Variants in RAD17 observed in about 807,000 individuals in gnomAD.
RAD17 encodes RAD17 checkpoint clamp loader component, also known as cell cycle checkpoint protein RAD17.
In RAD17, 31 loss-of-function variants were observed where a neutral mutation model predicts 81.5. That is an observed-to-expected ratio of 0.38 (90% CI 0.29 to 0.51). The LOEUF is 0.51. Among genes scored for constraint, RAD17 ranks in the 20% least tolerant of loss-of-function variants. RAD17 has a pLI of 0.88. For synonymous variants in RAD17, 261 were observed against 266.2 expected (o/e 0.98, Z 0.19); for missense variants, 681 against 781.2 (o/e 0.87, Z 1.53).
At chr5:69,389,927 C>T (rs559089331) in intron 12 of RAD17, among the ~76,000 whole-genome samples, 18 of 152,302 alleles carry the variant, frequency 1.2e-4, no homozygotes, top group African/African-American at 4.3e-4. Flanking sequence ...TGAGCCACCT[C>T]ATCTGGCCTG....
intron 4 of RAD17, 119 bp from the exon 5 acceptor site, chr5:69,373,711 T>TAGTTTTAAAGGTTATAAATA: frequency 1.4e-5 from 6 of 435,608 alleles, no homozygotes; most frequent in South Asian, 9.5e-5. Flanking sequence ...TTTTTTTTTT[T>TAGTTTTAAAGGTTATAAATA]TTTTTAAGTT....
chr5:69,398,901 A>G (rs2150854566), intron 16 of RAD17, among the ~76,000 whole-genome samples: 1 of 140,038 alleles, frequency 7.1e-6, no homozygotes, highest in East Asian at 2.2e-4. Flanking sequence ...GGCCAGGTGC[A>G]GTGGCTCACA....
chr5:69,393,298 A>G, intron 14 of RAD17, 56 bp from the exon 15 acceptor site: 3 of 1,568,772 alleles, frequency 1.9e-6, no homozygotes, highest in Non-Finnish European at 2.6e-6. Flanking sequence ...TCGTGTGCAT[A>G]TATATTTGAC....
At chr5:69,383,582 G>A (rs906176897) in intron 7 of RAD17, among the ~76,000 whole-genome samples, 3 of 151,624 alleles carry the variant, frequency 2.0e-5, no homozygotes, top group Non-Finnish European at 4.4e-5. Flanking sequence ...GTTTCACCAC[G>A]TTGGTCAGGT....
In RAD17 at chr5:69,371,581, GTAA is replaced by G. The variant is rs1763004755; in HGVS notation, c.-176+29_-176+31del. 2.3e-6 allele frequency: 3 copies of G among 1,323,684 alleles called. No homozygotes were observed. In the South Asian group the frequency reaches 6.3e-5, roughly 28 times the overall value. The allele number at this position is 1,323,684 out of a possible 1,614,324, so 82.0% of individuals were successfully genotyped here. On this transcript the variant is annotated intron_variant, in intron 3 of 18. Coordinates refer to ENST00000354868, the MANE Select transcript of RAD17 (RefSeq NM_133338.3). ...AGGTATGATACACTGGAATGGCCAT[GTAA>G]TAATTGCCTTAAAATAATTATAAAT...
At position 69,393,481 on chromosome 5, in the gene RAD17, T is replaced by C. The variant is rs751080720; in HGVS notation, c.1403T>C (p.Ile468Thr). 4 of 1,606,568 alleles carry C rather than the reference T, an allele frequency of 2.5e-6. No individual in the cohort carries two copies. The African/African-American group carries it at 4.0e-5, about 16-fold the overall frequency. ...RASEFLSFAD[I>T]LSGDWNTRSL... ...AGTGAATTTCTGAGTTTTGCAGATATCCTCAGTGGTGACTGGAATGTAAGA... is the reference window on the plus strand; with the variant it reads ...AGTGAATTTCTGAGTTTTGCAGATACCCTCAGTGGTGACTGGAATGTAAGA... Residue 468 changes from isoleucine (I) to threonine (T), a missense_variant, in exon 15 of 19, where the codon ATC (isoleucine) becomes ACC (threonine). Ile to Thr is a moderately conservative substitution (Grantham distance 89). Coordinates refer to ENST00000354868, the MANE Select transcript of RAD17 (RefSeq NM_133338.3).
chr5:69,397,872 C>G (rs1278188433), intron 16 of RAD17, among the ~76,000 whole-genome samples: 1 of 152,106 alleles, frequency 6.6e-6, no homozygotes, highest in African/African-American at 2.4e-5. Flanking sequence ...AATCCCAGCA[C>G]TTTGGGAGGC....
rs376569749 is a variant in RAD17 at position 69,386,953 on chromosome 5, C to G, written c.894+488C>G. Among the ~76,000 whole-genome samples the G allele has an allele frequency of 1.8e-3, 254 of 142,186 alleles. 1 individual carries two copies. The highest frequency in any genetic ancestry group is 6.3e-3 in the African/African-American group (242 of 38,220). The allele number at this position is 142,186 out of a possible 152,430, so 93.3% of individuals were successfully genotyped here. ...TTTTTTTTTTTTTTGGAGACAGGGTCTCACTCTGTTGCTCAGGCTGGACTG... is the reference window on the plus strand; with the variant it reads ...TTTTTTTTTTTTTTGGAGACAGGGTGTCACTCTGTTGCTCAGGCTGGACTG... On this transcript the variant is annotated intron_variant, in intron 11 of 18. Coordinates refer to ENST00000354868, the MANE Select transcript of RAD17 (RefSeq NM_133338.3).
At chr5:69,386,130 T>A (rs755677885) in intron 9 of RAD17, 35 bp downstream of exon 9, 28 of 1,600,376 alleles carry the variant, frequency 1.7e-5, no homozygotes, top group Non-Finnish European at 2.4e-5. Context: ...AACTCCAAAT[T>A]AAATGAGAAG....
At chr5:69,396,577 C>G in intron 16 of RAD17, 31 bp downstream of exon 16, 5 of 1,450,160 alleles carry the variant, frequency 3.4e-6, no homozygotes, top group Middle Eastern at 1.9e-4. Flanking sequence ...TCTGTACTTT[C>G]AATATGTGAA....
chr5:69,386,554 A>G, intron 11 of RAD17, 89 bp downstream of exon 11: 3 of 1,291,774 alleles, frequency 2.3e-6, no homozygotes, highest in Non-Finnish European at 3.0e-6. Flanking sequence ...TGTTATTTTA[A>G]TTTTTTAGAA....
intron 15 of RAD17, among the ~76,000 whole-genome samples, chr5:69,393,895 T>C (rs1245182311): frequency 2.1e-5 from 3 of 146,100 alleles, no homozygotes; most frequent in Non-Finnish European, 3.0e-5. Flanking sequence ...ATTTTGTGTT[T>C]TGTGTTATGG....
chr5:69,410,965 C>CTATATATATATATATATATATA (rs1554044686), intron 18 of RAD17, among the ~76,000 whole-genome samples: 2 of 90,258 alleles, frequency 2.2e-5, no homozygotes, highest in South Asian at 3.9e-4. Context: ...AGATGTCTGT[C>CTATATATATATATATATATATA]TATATATATA....
At chr5:69,407,091 T>C (rs1765651156) in intron 17 of RAD17, among the ~76,000 whole-genome samples, 1 of 149,020 alleles carries the variant, frequency 6.7e-6, no homozygotes, top group African/African-American at 2.5e-5. Context: ...CAACCTCCAA[T>C]TCCCAGGTTC....
chr5:69,377,001 G>A (rs899874538), intron 6 of RAD17, among the ~76,000 whole-genome samples: 2 of 152,066 alleles, frequency 1.3e-5, no homozygotes, highest in Admixed American at 6.6e-5. Flanking sequence ...TGATTTACCC[G>A]CCTCGGCTTC....
At chr5:69,380,273 C>G (rs1763768072) in intron 6 of RAD17, among the ~76,000 whole-genome samples, 1 of 152,038 alleles carries the variant, frequency 6.6e-6, no homozygotes, top group Non-Finnish European at 1.5e-5. Flanking sequence ...TTATAATTAT[C>G]AAGCATTATG....
At chr5:69,403,513 C>A (rs1362092673) in intron 17 of RAD17, among the ~76,000 whole-genome samples, 1 of 152,188 alleles carries the variant, frequency 6.6e-6, no homozygotes, top group Non-Finnish European at 1.5e-5. Context: ...ACATTTTAAA[C>A]ACTTTAAGTA....
chr5:69,374,766 A>G (rs1057139523), intron 6 of RAD17, 55 bp downstream of exon 6: 12 of 1,381,586 alleles, frequency 8.7e-6, no homozygotes, highest in African/African-American at 7.2e-5. Context: ...TCTGACTTAC[A>G]GTGTGTTGTT....
Position 69,389,161 on chromosome 5 carries a change from A to C in RAD17, c.1006+16A>C, listed in dbSNP as rs756706124. 1.4e-6 allele frequency: 2 copies of C among 1,474,212 alleles called. No individual in the cohort carries two copies. The highest frequency in any genetic ancestry group is 1.9e-6 in the Non-Finnish European group (2 of 1,078,416). The allele number at this position is 1,474,212 out of a possible 1,614,324, so 91.3% of individuals were successfully genotyped here. On this transcript the variant is annotated intron_variant, in intron 12 of 18. Coordinates refer to ENST00000354868, the MANE Select transcript of RAD17 (RefSeq NM_133338.3). ...TCTTCAAAAGGTAACTATGGAAGAT[A>C]CAGTCATGTGGCATTATATAGGTGA... is the stretch of plus-strand genomic sequence containing the variant.
Sources: gnomAD v4.1 joint callset for allele counts (sites outside exome capture counted in the v4.1 genomes callset) on GRCh38, gnomAD v4.1.1 for gene constraint, MANE v1.5 for transcripts, NCBI Gene and HGNC (gene_info 2026-07-23, HGNC 2026-07-21) for gene names.